The following ZNF326 variants were observed in gnomAD, a reference collection of about 807,000 sequenced individuals.
ZNF326 encodes zinc finger protein 326.
A neutral mutation model predicts 63.1 loss-of-function variants in ZNF326; 30 were observed. That is an observed-to-expected ratio of 0.48 (90% CI 0.36 to 0.64). ZNF326 has a LOEUF of 0.64. Ranked by LOEUF, ZNF326 falls within the 30% of genes least tolerant of loss-of-function variation. The probability of loss-of-function intolerance (pLI) is 0.00; values close to 1 mark genes in which losing one functional copy is unlikely to be tolerated. For synonymous variants in ZNF326, 194 were observed against 228.2 expected, an observed-to-expected ratio of 0.85 and a Z score of 1.35; for missense variants, 609 against 720.3, an observed-to-expected ratio of 0.85 and a Z score of 1.77.
At position 90,013,162 on chromosome 1, in the gene ZNF326, G is replaced by C. The variant is rs143700412; in HGVS notation, c.851G>C (p.Arg284Pro). Residue 284 changes from arginine to proline, a missense_variant, in exon 7 of 12, where the codon CGG (arginine) becomes CCG (proline). Transcript: ENST00000340281. ...TDPKNEEEEK[R>P]RIEARREKQR... ...CCTAAAAATGAAGAGGAAGAAAAGCGGCGAATTGAGGCTCGGCGAGAGAAA... is the reference window on the plus strand; with the variant it reads ...CCTAAAAATGAAGAGGAAGAAAAGCCGCGAATTGAGGCTCGGCGAGAGAAA... 1 of 1,612,570 alleles carries C rather than the reference G, an allele frequency of 6.2e-7. No homozygotes were observed. The highest frequency in any genetic ancestry group is 1.3e-5 in the African/African-American group (1 of 74,816).
At chr1:90,024,552 A>G (rs1649922484) in intron 11 of ZNF326, among the ~76,000 whole-genome samples, 1 of 152,112 alleles carries the variant, frequency 6.6e-6, no homozygotes, top group Non-Finnish European at 1.5e-5. Flanking sequence ...TGACTCTTCC[A>G]ACCTTTAATA....
intron 1 of ZNF326, 37 bp from the exon 2 acceptor site, chr1:89,998,073 T>G: frequency 6.3e-7 from 1 of 1,588,852 alleles, no homozygotes; most frequent in Non-Finnish European, 8.6e-7. Flanking sequence ...ATTGCTAATA[T>G]CACACTAATT....
In ZNF326 at chr1:90,007,857, T is replaced by A; in HGVS notation, c.615+107T>A. 1 of 1,142,912 alleles carries A rather than the reference T, an allele frequency of 8.7e-7. No homozygotes were observed. Among genetic ancestry groups the A allele is most frequent in the Non-Finnish European group, 1.1e-6 (1 of 874,828 alleles). 70.8% of individuals were successfully genotyped at this position (1,142,912 alleles called of 1,614,324 possible). ...TAAACACTGTTCATCCCGGTGTATT[T>A]TGAAGCAAAAGCTGAGTCATAAACA... On this transcript the variant is annotated intron_variant, in intron 5 of 11. Transcript: ENST00000340281. This position sits in a 1 kb window ranked among gnomAD's most constrained non-coding sequence, Gnocchi z 4.9.
chr1:90,000,040 GAGA>G (rs559276659), intron 2 of ZNF326, among the ~76,000 whole-genome samples: 15 of 152,170 alleles, frequency 9.9e-5, no homozygotes, highest in Non-Finnish European at 2.2e-4. Context: ...GAGTAACATA[GAGA>G]AGGAGGATAA....
intron 6 of ZNF326, 24 bp downstream of exon 6, chr1:90,010,310 A>G (rs200500012): frequency 7.4e-5 from 118 of 1,593,374 alleles, no homozygotes; most frequent in Non-Finnish European, 9.4e-5. Flanking sequence ...CATAATTGCT[A>G]TGATTCAGGA....
intron 11 of ZNF326, among the ~76,000 whole-genome samples, chr1:90,023,490 C>T (rs1649868606): frequency 6.6e-6 from 1 of 152,018 alleles, no homozygotes; most frequent in African/African-American, 2.4e-5. Flanking sequence ...CCTTAGGGGC[C>T]TATTTTCTAA....
At chr1:90,026,548 C>T (rs558767451) in intron 11 of ZNF326, among the ~76,000 whole-genome samples, 26 of 152,106 alleles carry the variant, frequency 1.7e-4, no homozygotes, top group Middle Eastern at 3.4e-3. Flanking sequence ...TTTTCCTTTC[C>T]GTTGGAATAG....
chr1:90,011,618 T>TA (rs923548298), intron 6 of ZNF326, among the ~76,000 whole-genome samples: 1 of 145,968 alleles, frequency 6.9e-6, no homozygotes, highest in Admixed American at 7.0e-5. Flanking sequence ...ATGGTCATAA[T>TA]AAAAAAAGGA....
intron 4 of ZNF326, chr1:90,006,286 C>T: frequency 4.1e-6 from 4 of 980,178 alleles, no homozygotes; most frequent in Non-Finnish European, 4.8e-6. Context: ...ATTTAGTGAT[C>T]TGTAAATAAT....
intron 11 of ZNF326, among the ~76,000 whole-genome samples, chr1:90,023,872 C>G (rs1203315808): frequency 1.3e-5 from 2 of 152,160 alleles, no homozygotes; most frequent in Non-Finnish European, 2.9e-5. Flanking sequence ...TCCTCTAGAA[C>G]TTTGTTACTC....
chr1:90,019,054 G>C (rs1028817447), intron 9 of ZNF326, among the ~76,000 whole-genome samples: 6 of 152,024 alleles, frequency 3.9e-5, no homozygotes, highest in Admixed American at 2.0e-4. Flanking sequence ...CTCTGTTTCT[G>C]TTATTCCTTC....
In ZNF326 at chr1:90,013,202, A is replaced by G. The variant is rs1434252486; in HGVS notation, c.891A>G (p.Arg297=). 1 of 1,609,996 alleles carries G rather than the reference A, an allele frequency of 6.2e-7. No individual in the cohort carries two copies. Among genetic ancestry groups the G allele is most frequent in the South Asian group, 1.1e-5 (1 of 90,300 alleles). The change falls in exon 7 of 12, where the codon AGA becomes AGG. Residue 297 remains arginine (R), a synonymous_variant. Transcript: ENST00000340281. ...GGCGAGAGAAACAAAGGCGCAGAAG[A>G]GAAAAAAACAGTGAGAAATACGGAG... ...EARREKQRRR[R]EKNSEKYGDG...
At position 90,018,775 on chromosome 1, in the gene ZNF326, G is replaced by A. The variant is rs1391227698; in HGVS notation, c.1165G>A (p.Val389Ile). ...AGTAGTTAAAATAATTGAAAAAGAT[G>A]TTATGGAAGGTAAGTATTTAAAACA... is the stretch of plus-strand genomic sequence containing the variant. ...TEVVKIIEKD[V>I]MEGVTVDDHM... The change falls in exon 9 of 12, where the codon GTT becomes ATT. Residue 389 changes from valine (V) to isoleucine (I), a missense_variant. This residue lies in a region of ZNF326 where 399 missense variants were observed against 444.3 expected (regional missense o/e 0.90). Transcript: ENST00000340281. 2.6e-6 allele frequency: 4 copies of A among 1,517,396 alleles called. No homozygotes were observed. The highest frequency in any genetic ancestry group is 2.4e-5 in the South Asian group (2 of 82,430). The allele number at this position is 1,517,396 out of a possible 1,614,324, so 94.0% of individuals were successfully genotyped here.
At chr1:90,000,195 G>A (rs140393787) in intron 2 of ZNF326, among the ~76,000 whole-genome samples, 1,680 of 152,200 alleles carry the variant, frequency 0.011, 18 homozygotes, top group Non-Finnish European at 0.018. Context: ...CGGGCTTTAA[G>A]AAATAAACAG....
At chr1:90,021,487 A>G (rs1157135126) in intron 10 of ZNF326, among the ~76,000 whole-genome samples, 1 of 152,094 alleles carries the variant, frequency 6.6e-6, no homozygotes, top group Non-Finnish European at 1.5e-5. Context: ...CTATTCTTAC[A>G]TTTTTTAGTA....
chr1:90,005,161 C>T lies in ZNF326; in HGVS notation c.126C>T (p.Ser42=). Residue 42 remains serine (S), a synonymous_variant, in exon 4 of 12, where the codon TCC becomes TCT. Transcript: ENST00000340281. ...TGGATCGTGACTATGGCCATGGATC[C>T]TATGGGGGTCAGAGATCCATGGATT... ...GGMDRDYGHG[S]YGGQRSMDSY... is the part of the protein sequence containing the mutation. 1 of 1,613,840 alleles carries T rather than the reference C, an allele frequency of 6.2e-7. No individual in the cohort carries two copies. Among genetic ancestry groups the T allele is most frequent in the Non-Finnish European group, 8.5e-7 (1 of 1,179,908 alleles).
intron 2 of ZNF326, among the ~76,000 whole-genome samples, chr1:89,998,718 T>C (rs1020811702): frequency 2.6e-5 from 4 of 152,162 alleles, no homozygotes; most frequent in Admixed American, 2.6e-4. Context: ...CAATTGGATG[T>C]CATTTTGATA....
chr1:90,009,253 C>T (rs1278058652), intron 5 of ZNF326, among the ~76,000 whole-genome samples: 1 of 152,124 alleles, frequency 6.6e-6, no homozygotes, highest in Non-Finnish European at 1.5e-5. Context: ...TAAATCTTCA[C>T]TTGTACAATT....
At chr1:90,001,937 A>G (rs1048013974) in intron 2 of ZNF326, among the ~76,000 whole-genome samples, 1 of 152,126 alleles carries the variant, frequency 6.6e-6, no homozygotes, top group Non-Finnish European at 1.5e-5. Context: ...AGCATTTTTG[A>G]GCGTATTATT....
Sources: allele counts gnomAD v4.1 joint callset (sites outside exome capture counted in the v4.1 genomes callset), GRCh38; gene constraint gnomAD v4.1.1; regional missense constraint gnomAD v4.1.1; non-coding constraint Gnocchi (gnomAD v3.1); transcripts MANE v1.5; gene names NCBI Gene and HGNC (gene_info 2026-07-23, HGNC 2026-07-21).